The following ITFG1 variants were observed in gnomAD, a reference collection of about 807,000 sequenced individuals.
ITFG1 encodes the protein T-cell immunomodulatory protein.
ITFG1 carries 34 observed loss-of-function variants against 81.8 expected under a neutral mutation model. The ratio of observed to expected loss-of-function variants is 0.42; its 90% CI spans 0.32 to 0.55. ITFG1 has a LOEUF of 0.55. Among genes scored for constraint, ITFG1 ranks in the 20% least tolerant of loss-of-function variants. The probability of loss-of-function intolerance (pLI) is 0.17; values close to 1 mark genes in which losing one functional copy is unlikely to be tolerated. For synonymous variants in ITFG1, 285 were observed against 270.6 expected, an observed-to-expected ratio of 1.05 and a Z score of -0.52; for missense variants, 672 against 755.4, an observed-to-expected ratio of 0.89 and a Z score of 1.29.
intron 10 of ITFG1, among the ~76,000 whole-genome samples, chr16:47,307,582 A>G (rs953448513): frequency 2.0e-5 from 3 of 152,238 alleles, no homozygotes; most frequent in Admixed American, 2.0e-4. Flanking sequence ...GTCTTCTTCA[A>G]TAATGACACA....
chr16:47,222,478 A>G (rs1413752349), intron 13 of ITFG1, among the ~76,000 whole-genome samples: 3 of 145,096 alleles, frequency 2.1e-5, no homozygotes, highest in African/African-American at 7.8e-5. Context: ...CAGTGGCGCG[A>G]TCTCGGCTCA....
At chr16:47,190,726 C>T (rs1322512903) in intron 14 of ITFG1, among the ~76,000 whole-genome samples, 1 of 152,182 alleles carries the variant, frequency 6.6e-6, no homozygotes, top group African/African-American at 2.4e-5. Flanking sequence ...TACATTCTTT[C>T]TTGCAATTAT....
intron 8 of ITFG1, among the ~76,000 whole-genome samples, chr16:47,326,578 T>A (rs1967547745): frequency 6.6e-6 from 1 of 152,184 alleles, no homozygotes; most frequent in African/African-American, 2.4e-5. Flanking sequence ...GAAAACCCCA[T>A]CGTCTCAGCA....
Position 47,324,195 on chromosome 16 carries a change from GA to G in ITFG1, c.803-10373del, listed in dbSNP as rs545550357. ...GGGGCCAATATTCAACATTCTTAAAGAAAAGAATTTTCAACCCAGAATTTCA... is the reference window on the plus strand; with the variant it reads ...GGGGCCAATATTCAACATTCTTAAAGAAAGAATTTTCAACCCAGAATTTCA... On this transcript the variant is annotated intron_variant, in intron 8 of 17. Coordinates refer to ENST00000320640, the MANE Select transcript of ITFG1 (RefSeq NM_030790.5). Among the ~76,000 whole-genome samples, 1,100 of 152,066 alleles carry G rather than the reference GA, an allele frequency of 7.2e-3. 13 individuals are homozygous for G. Among genetic ancestry groups the G allele is most frequent in the African/African-American group, 0.025 (1,025 of 41,508 alleles).
chr16:47,231,297 A>G (rs1169186567), intron 13 of ITFG1, among the ~76,000 whole-genome samples: 1 of 152,260 alleles, frequency 6.6e-6, no homozygotes, highest in African/African-American at 2.4e-5. Context: ...GAAAAGAATT[A>G]CCAAGTCACA....
chr16:47,214,655 A>G (rs1352893914), intron 14 of ITFG1, among the ~76,000 whole-genome samples: 1 of 152,192 alleles, frequency 6.6e-6, no homozygotes, highest in Non-Finnish European at 1.5e-5. Context: ...TACAGGAACT[A>G]TTATTTAGAA....
chr16:47,429,255 T>C (rs374827381), intron 5 of ITFG1, among the ~76,000 whole-genome samples: 1 of 152,246 alleles, frequency 6.6e-6, no homozygotes, highest in African/African-American at 2.4e-5. Context: ...GAATAATGTT[T>C]TCAAGTTCAT....
intron 14 of ITFG1, among the ~76,000 whole-genome samples, chr16:47,216,769 C>A (rs565614136): frequency 1.2e-4 from 18 of 151,750 alleles, no homozygotes; most frequent in African/African-American, 3.4e-4. Flanking sequence ...CCAAGTGATT[C>A]TCATGCCTCA....
intron 14 of ITFG1, among the ~76,000 whole-genome samples, chr16:47,200,074 T>A (rs73538910): frequency 0.062 from 9,391 of 152,206 alleles, 423 homozygotes; most frequent in African/African-American, 0.13. Context: ...TCCTGCTGTG[T>A]GGCCCCTTTC....
At chr16:47,282,095 T>G (rs1596859048) in intron 10 of ITFG1, among the ~76,000 whole-genome samples, 1 of 151,718 alleles carries the variant, frequency 6.6e-6, no homozygotes, top group East Asian at 2.0e-4. Flanking sequence ...CTCAGCCTCA[T>G]GGGTACAATA....
chr16:47,390,631 TTTATTTTTA>T (rs1968518204), intron 6 of ITFG1, among the ~76,000 whole-genome samples: 1 of 152,090 alleles, frequency 6.6e-6, no homozygotes, highest in African/African-American at 2.4e-5. Context: ...GGCTAATTTT[TTTATTTTTA>T]GTAGAGATGG....
chr16:47,239,764 T>A (rs945129200), intron 12 of ITFG1, among the ~76,000 whole-genome samples: 1 of 152,174 alleles, frequency 6.6e-6, no homozygotes, highest in Non-Finnish European at 1.5e-5. Flanking sequence ...AACTTCTCAC[T>A]CTCCTTTTAT....
chr16:47,314,098 T>C (rs1457359147), intron 8 of ITFG1, among the ~76,000 whole-genome samples: 1 of 152,110 alleles, frequency 6.6e-6, no homozygotes, highest in Non-Finnish European at 1.5e-5. Context: ...AACTACTGGG[T>C]CCTATGCTAT....
chr16:47,287,202 T>G (rs1323569503), intron 10 of ITFG1, among the ~76,000 whole-genome samples: 4 of 152,170 alleles, frequency 2.6e-5, no homozygotes, highest in African/African-American at 9.7e-5. Flanking sequence ...AATAACGTTG[T>G]GTTAACAGAA....
intron 5 of ITFG1, among the ~76,000 whole-genome samples, chr16:47,440,357 C>G (rs945637892): frequency 2.0e-5 from 3 of 152,364 alleles, no homozygotes; most frequent in Admixed American, 1.3e-4. Context: ...CTACAGAACT[C>G]TCCACCCCAA....
At chr16:47,226,993 T>A (rs947142508) in intron 13 of ITFG1, among the ~76,000 whole-genome samples, 4 of 152,216 alleles carry the variant, frequency 2.6e-5, no homozygotes, top group African/African-American at 7.2e-5. Context: ...ATATCTAATG[T>A]AAAGAAAAGT....
Position 47,258,687 on chromosome 16 carries a change from G to T in ITFG1, c.1275C>A (p.Ala425=). The T allele has an allele frequency of 6.4e-7, 1 of 1,558,044 alleles. No homozygotes were observed. Among genetic ancestry groups the T allele is most frequent in the Non-Finnish European group, 8.7e-7 (1 of 1,144,998 alleles). Residue 425 remains alanine (A), a synonymous_variant, in exon 12 of 18, where the codon GCC becomes GCA. Coordinates refer to ENST00000320640, the MANE Select transcript of ITFG1 (RefSeq NM_030790.5). ...LSKGYTKNDF[A]IHTLKNNFEA... ...CAAAGTTATTTTTTAGTGTATGAATGGCAAAATCATTCTTTGTATATCCTT... is the reference window on the plus strand; with the variant it reads ...CAAAGTTATTTTTTAGTGTATGAATTGCAAAATCATTCTTTGTATATCCTT...
At chr16:47,204,123 T>C (rs1370400479) in intron 14 of ITFG1, among the ~76,000 whole-genome samples, 1 of 152,204 alleles carries the variant, frequency 6.6e-6, no homozygotes, top group Admixed American at 6.5e-5. Flanking sequence ...AAACTGTCCA[T>C]GGTCCCATAT....
chr16:47,211,595 T>C (rs1965561166), intron 14 of ITFG1, among the ~76,000 whole-genome samples: 1 of 152,252 alleles, frequency 6.6e-6, no homozygotes, highest in Admixed American at 6.5e-5. Flanking sequence ...TTCCTAATCT[T>C]CGACGCAGAC....
Sources: gnomAD v4.1 joint callset for allele counts (sites outside exome capture counted in the v4.1 genomes callset) on GRCh38, gnomAD v4.1.1 for gene constraint, MANE v1.5 for transcripts, NCBI Gene and HGNC (gene_info 2026-07-23, HGNC 2026-07-21) for gene names.